The following HS2ST1 variants were observed in gnomAD, a reference collection of about 807,000 sequenced individuals.
HS2ST1 encodes 2-O-sulfotransferase.
A neutral mutation model predicts 42.9 loss-of-function variants in HS2ST1; 18 were observed. The observed-to-expected ratio is 0.42, with a 90% confidence interval of 0.29 to 0.62. The LOEUF is 0.62. HS2ST1 is among the 20% of genes least tolerant of loss of function. HS2ST1 has a pLI of 0.21. For synonymous variants in HS2ST1, 146 were observed against 152.9 expected, an observed-to-expected ratio of 0.95 and a Z score of 0.33; for missense variants, 334 against 433.8, an observed-to-expected ratio of 0.77 and a Z score of 2.04.
At chr1:86,926,040 G>T (rs765430263) in intron 1 of HS2ST1, among the ~76,000 whole-genome samples, 3 of 152,104 alleles carry the variant, frequency 2.0e-5, no homozygotes, top group Non-Finnish European at 4.4e-5. Context: ...AGACAGTTTT[G>T]TCTTTTTGAG....
chr1:87,032,188 G>A (rs1650256147), intron 1 of HS2ST1, among the ~76,000 whole-genome samples: 1 of 152,310 alleles, frequency 6.6e-6, no homozygotes, highest in South Asian at 2.1e-4. Flanking sequence ...GGAAAGGATT[G>A]TTTATGAGTA....
In HS2ST1 at chr1:86,946,788, A is replaced by G. The variant is rs76532266; in HGVS notation, c.124+31628A>G. On this transcript the variant is annotated intron_variant, in intron 1 of 6. Coordinates refer to ENST00000370550, the MANE Select transcript of HS2ST1 (RefSeq NM_012262.4). ...CATTGCAGATGTGTACCATAAAGCT[A>G]TCCTTTCCACTGTTCACTAACAAAA... 6.7e-3 allele frequency among the ~76,000 whole-genome samples: 1,016 copies of G among 152,356 alleles called. 3 individuals are homozygous for G. The highest frequency in any genetic ancestry group is 0.01 in the Middle Eastern group (3 of 294).
chr1:86,920,321 T>C (rs901221589), intron 1 of HS2ST1, among the ~76,000 whole-genome samples: 1 of 152,208 alleles, frequency 6.6e-6, no homozygotes, highest in African/African-American at 2.4e-5. Context: ...TTGAGACTGC[T>C]TTTTGGAATT....
At chr1:87,102,959 T>C (rs1229812630) in intron 5 of HS2ST1, among the ~76,000 whole-genome samples, 1 of 152,204 alleles carries the variant, frequency 6.6e-6, no homozygotes, top group Non-Finnish European at 1.5e-5. Context: ...TAAAAGATTC[T>C]TAGCAGAGCC....
intron 1 of HS2ST1, chr1:87,045,171 T>A: frequency 1.1e-6 from 1 of 882,250 alleles, no homozygotes; most frequent in South Asian, 1.3e-5. Flanking sequence ...TTTGGCAGCA[T>A]CTTCAGCTTG....
At chr1:87,018,370 G>A (rs932099213) in intron 1 of HS2ST1, among the ~76,000 whole-genome samples, 1 of 152,132 alleles carries the variant, frequency 6.6e-6, no homozygotes, top group African/African-American at 2.4e-5. Flanking sequence ...GGCTCCTAAA[G>A]TGCAAAATGG....
intron 1 of HS2ST1, among the ~76,000 whole-genome samples, chr1:87,016,685 T>C (rs1304754827): frequency 1.3e-5 from 2 of 152,196 alleles, no homozygotes; most frequent in Non-Finnish European, 2.9e-5. Context: ...GCAGCAGCTA[T>C]ACATAAAACA....
At chr1:86,984,544 G>C (rs576954685) in intron 1 of HS2ST1, among the ~76,000 whole-genome samples, 1 of 152,118 alleles carries the variant, frequency 6.6e-6, no homozygotes, top group Non-Finnish European at 1.5e-5. Flanking sequence ...GAGCTTAATC[G>C]TGTTTTCTTA....
intron 1 of HS2ST1, among the ~76,000 whole-genome samples, chr1:87,048,468 T>C (rs1650746149): frequency 6.6e-6 from 1 of 152,172 alleles, no homozygotes. Flanking sequence ...GCCTCATTCA[T>C]GGTTTTAGGG....
At chr1:87,026,003 AT>A (rs770644688) in intron 1 of HS2ST1, among the ~76,000 whole-genome samples, 4 of 152,252 alleles carry the variant, frequency 2.6e-5, no homozygotes, top group East Asian at 3.8e-4. Context: ...TGTTAAAAAA[AT>A]ATATTCTTAT....
chr1:87,082,271 T>C (rs1237445662), intron 2 of HS2ST1, among the ~76,000 whole-genome samples: 1 of 152,222 alleles, frequency 6.6e-6, no homozygotes, highest in African/African-American at 2.4e-5. Context: ...TTTAGTTTAA[T>C]ATTGACCATC....
chr1:86,918,990 A>ATTTT (rs1221020090), intron 1 of HS2ST1, among the ~76,000 whole-genome samples: 1 of 143,942 alleles, frequency 6.9e-6, no homozygotes, highest in East Asian at 2.0e-4. Flanking sequence ...TTATTTATTT[A>ATTTT]TTTTTTTGAG....
intron 1 of HS2ST1, among the ~76,000 whole-genome samples, chr1:86,940,000 G>A (rs1355260371): frequency 2.0e-5 from 3 of 152,170 alleles, no homozygotes; most frequent in African/African-American, 7.2e-5. Context: ...TTTACTGTTA[G>A]CAATATTTTT....
intron 5 of HS2ST1, chr1:87,098,158 G>T: frequency 9.7e-7 from 1 of 1,035,766 alleles, no homozygotes; most frequent in Non-Finnish European, 1.2e-6. Flanking sequence ...CTGAGATGCC[G>T]GTTTTTAGTA....
At chr1:87,082,960 A>G (rs1217501209) in intron 2 of HS2ST1, among the ~76,000 whole-genome samples, 1 of 152,216 alleles carries the variant, frequency 6.6e-6, no homozygotes, top group Non-Finnish European at 1.5e-5. Context: ...ATGTGTATTG[A>G]GAGGCCAAGT....
intron 1 of HS2ST1, among the ~76,000 whole-genome samples, chr1:87,062,916 C>G: frequency 6.6e-6 from 1 of 152,216 alleles, no homozygotes; most frequent in Non-Finnish European, 1.5e-5. Context: ...AGGCTTCATA[C>G]AGGTGCATTC....
intron 1 of HS2ST1, among the ~76,000 whole-genome samples, chr1:87,036,029 G>T (rs904371316): frequency 5.3e-5 from 8 of 151,954 alleles, no homozygotes; most frequent in Admixed American, 2.0e-4. Context: ...GTGTCCATGT[G>T]TTCTCATTGT....
chr1:87,012,284 G>A (rs1233726765), intron 1 of HS2ST1, among the ~76,000 whole-genome samples: 1 of 152,128 alleles, frequency 6.6e-6, no homozygotes, highest in Non-Finnish European at 1.5e-5. Flanking sequence ...GAGGTTTAAT[G>A]AACCCACAGT....
intron 1 of HS2ST1, among the ~76,000 whole-genome samples, chr1:87,025,373 G>T (rs778980290): frequency 2.6e-5 from 4 of 152,172 alleles, no homozygotes; most frequent in African/African-American, 9.7e-5. Flanking sequence ...GAACACATTT[G>T]TCATGCTTTC....
Sources: allele counts gnomAD v4.1 joint callset (sites outside exome capture counted in the v4.1 genomes callset), GRCh38; gene constraint gnomAD v4.1.1; transcripts MANE v1.5; gene names NCBI Gene and HGNC (gene_info 2026-07-23, HGNC 2026-07-21).